BRWD3: variants seen among roughly 807,000 people sequenced by gnomAD.
BRWD3 encodes bromodomain and WD repeat domain containing 3.
BRWD3 carries 10 observed loss-of-function variants against 149.7 expected under a neutral mutation model. The observed-to-expected ratio is 0.07, with a 90% CI of 0.04 to 0.11. BRWD3 has a LOEUF of 0.11. BRWD3 is among the 10% of genes least tolerant of loss of function. The probability of loss-of-function intolerance (pLI) is 1.00; values close to 1 mark genes in which losing one functional copy is unlikely to be tolerated. For synonymous variants in BRWD3, 504 were observed against 456.7 expected (o/e 1.10, Z -1.32); for missense variants, 940 against 1,373.2 (o/e 0.68, Z 4.99).
At chrX:80,723,188 T>A (rs1034528106) in intron 16 of BRWD3, among the ~76,000 whole-genome samples, 1 of 111,086 alleles carries the variant, frequency 9.0e-6, no homozygotes, top group Non-Finnish European at 1.9e-5. Context: ...CAGGTAAATA[T>A]CAATCACATC....
intron 8 of BRWD3, among the ~76,000 whole-genome samples, chrX:80,739,901 G>A (rs1276661588): frequency 8.9e-6 from 1 of 111,985 alleles, no homozygotes; most frequent in Non-Finnish European, 1.9e-5. Context: ...CATGGCTGAT[G>A]GTGGGTAACT....
At chrX:80,733,519 C>T (rs4240018) in intron 11 of BRWD3, 23 bp from the exon 12 acceptor site, 4 of 1,168,955 alleles carry the variant, frequency 3.4e-6, no homozygotes, top group Non-Finnish European at 4.6e-6. Context: ...ACAGATTTTT[C>T]GTTAAAATGG....
At chrX:80,795,823 C>A (rs1421726323) in intron 4 of BRWD3, among the ~76,000 whole-genome samples, 1 of 110,603 alleles carries the variant, frequency 9.0e-6, no homozygotes, top group Admixed American at 9.7e-5. Context: ...CCCAGCTACT[C>A]GGGAGACTGC....
At chrX:80,768,218 A>C (rs2073889684) in intron 6 of BRWD3, among the ~76,000 whole-genome samples, 1 of 111,193 alleles carries the variant, frequency 9.0e-6, no homozygotes, top group African/African-American at 3.3e-5. Context: ...CAAATTCAGG[A>C]AATAGAGAGA....
intron 21 of BRWD3, 111 bp from the exon 22 acceptor site, chrX:80,707,614 A>T: frequency 1.4e-6 from 1 of 708,197 alleles, no homozygotes; most frequent in Non-Finnish European, 2.2e-6. Context: ...GCCCTCAAAA[A>T]ATGTTCTTCT....
chrX:80,740,501 T>C (rs2073470082), intron 8 of BRWD3, among the ~76,000 whole-genome samples: 1 of 112,155 alleles, frequency 8.9e-6, no homozygotes, highest in African/African-American at 3.2e-5. Flanking sequence ...TCCCAGCAAT[T>C]TGGGAAGCCA....
intron 6 of BRWD3, among the ~76,000 whole-genome samples, chrX:80,773,218 T>C (rs1313725259): frequency 9.0e-6 from 1 of 111,405 alleles, no homozygotes; most frequent in Non-Finnish European, 1.9e-5. Flanking sequence ...AACATAGATA[T>C]ATACATAAAT....
chrX:80,703,018 C>A (rs1159726503), intron 24 of BRWD3, among the ~76,000 whole-genome samples: 4 of 111,539 alleles, frequency 3.6e-5, no homozygotes, highest in Non-Finnish European at 7.5e-5. Flanking sequence ...CTACACTCAT[C>A]AATCACAGAC....
At chrX:80,768,531 G>A (rs754871105) in intron 6 of BRWD3, among the ~76,000 whole-genome samples, 1 of 111,446 alleles carries the variant, frequency 9.0e-6, no homozygotes, top group Non-Finnish European at 1.9e-5. Flanking sequence ...AGCAAACGCT[G>A]AGAGATTTTG....
Position 80,744,019 on chromosome X carries a change from T to C in BRWD3, c.813+13A>G. 1 of 1,188,426 alleles carries C rather than the reference T, an allele frequency of 8.4e-7. No homozygotes were observed. The highest frequency in any genetic ancestry group is 3.0e-5 in the East Asian group (1 of 33,755). On this transcript the variant is annotated intron_variant, in intron 8 of 40. Coordinates refer to ENST00000373275, the MANE Select transcript of BRWD3 (RefSeq NM_153252.5). ...TTACATATGTTCAAGCTAAATTTTATCACTTTTCTTACCTGTATGGAAGTA... is the reference window on the plus strand; with the variant it reads ...TTACATATGTTCAAGCTAAATTTTACCACTTTTCTTACCTGTATGGAAGTA...
rs1032653640 is a variant in BRWD3 at position 80,670,192 on chromosome X, A to G, written c.*6417T>C. ...TACCGTAAAAAGTTTACTTCATTTA[A>G]TATTATTGTTTGATCTACCTGTGTT... On this transcript the variant is annotated 3_prime_UTR_variant, in exon 41 of 41. Transcript: ENST00000373275. 9.0e-6 allele frequency among the ~76,000 whole-genome samples: 1 copy of G among 111,030 alleles called. No individual in the cohort carries two copies. Among genetic ancestry groups the G allele is most frequent in the African/African-American group, 3.3e-5 (1 of 30,554 alleles).
intron 22 of BRWD3, among the ~76,000 whole-genome samples, chrX:80,705,135 ACACGCCTGTAGTCCCAG>A (rs1285190248): frequency 3.6e-5 from 4 of 110,657 alleles, no homozygotes; most frequent in Non-Finnish European, 5.7e-5. Context: ...GTGTGATGGC[ACACGCCTGTAGTCCCAG>A]CTACTCAGGA....
chrX:80,764,149 T>C (rs191828590), intron 6 of BRWD3, among the ~76,000 whole-genome samples: 6 of 112,330 alleles, frequency 5.3e-5, no homozygotes, highest in East Asian at 2.8e-4. Flanking sequence ...CTGAAGCAAT[T>C]TGACATACAG....
intron 14 of BRWD3, among the ~76,000 whole-genome samples, chrX:80,726,760 G>A (rs2073255928): frequency 9.0e-6 from 1 of 110,891 alleles, no homozygotes; most frequent in Admixed American, 9.6e-5. Flanking sequence ...AAAATGTAGT[G>A]TTAAGATTAG....
intron 24 of BRWD3, among the ~76,000 whole-genome samples, chrX:80,701,993 T>C (rs1463403322): frequency 9.0e-6 from 1 of 111,244 alleles, no homozygotes; most frequent in African/African-American, 3.3e-5. Flanking sequence ...GACTGGCCAA[T>C]GAAAAACAAG....
chrX:80,769,856 G>A (rs1263676083), intron 6 of BRWD3, among the ~76,000 whole-genome samples: 1 of 110,206 alleles, frequency 9.1e-6, no homozygotes, highest in African/African-American at 3.3e-5. Context: ...CCACTAGTAA[G>A]ACTAATAAAG....
intron 12 of BRWD3, among the ~76,000 whole-genome samples, chrX:80,730,541 G>A (rs949503537): frequency 1.8e-5 from 2 of 111,052 alleles, no homozygotes; most frequent in Middle Eastern, 4.7e-3. Flanking sequence ...GAAGGGATAG[G>A]AGAATTGGAG....
chrX:80,730,044 A>C (rs779500808), intron 12 of BRWD3, 24 bp from the exon 13 acceptor site: 1 of 1,061,536 alleles, frequency 9.4e-7, no homozygotes, highest in East Asian at 3.1e-5. Flanking sequence ...AAATAACTTT[A>C]TTAATTTTCT....
At position 80,808,542 on chromosome X, in the gene BRWD3, A is replaced by C. The variant is rs777256391; in HGVS notation, c.177T>G (p.Asp59Glu). The change falls in exon 4 of 41, where the codon GAT becomes GAG. Residue 59 changes from aspartate to glutamate, a missense_variant. Coordinates refer to ENST00000373275, the MANE Select transcript of BRWD3 (RefSeq NM_153252.5). ...EGKEHRRSFE[D>E]LVAANAHIPP... ...TTGAAATGAAAACTTTACTCACCAGATCCTCGAAGCTTCTTCGGTGCTCTT... is the reference window on the plus strand; with the variant it reads ...TTGAAATGAAAACTTTACTCACCAGCTCCTCGAAGCTTCTTCGGTGCTCTT... 8.3e-7 allele frequency: 1 copy of C among 1,206,629 alleles called. No homozygotes were observed.
Sources: gnomAD v4.1 joint callset for allele counts (sites outside exome capture counted in the v4.1 genomes callset) on GRCh38, gnomAD v4.1.1 for gene constraint, MANE v1.5 for transcripts, NCBI Gene and HGNC (gene_info 2026-07-23, HGNC 2026-07-21) for gene names.